Variants in CHODL observed in about 807,000 individuals in gnomAD.
CHODL encodes chondrolectin, also known as transmembrane protein MT75.
In CHODL, 29 loss-of-function variants were observed where a neutral mutation model predicts 34.5. That is an observed-to-expected ratio of 0.84 (90% CI 0.63 to 1.15). The LOEUF (loss-of-function observed/expected upper bound fraction) is 1.15, where lower values mean the gene tolerates loss of function less well. Among genes scored for constraint, CHODL ranks in the 50% most tolerant of loss-of-function variants. The probability of loss-of-function intolerance (pLI) is 0.00; values close to 1 mark genes in which losing one functional copy is unlikely to be tolerated. For synonymous variants in CHODL, 125 were observed against 116.1 expected (o/e 1.08, Z -0.49); for missense variants, 332 against 332.5 (o/e 1.00, Z 0.01).
chr21:18,164,775 T>G, intron 2 of CHODL, among the ~76,000 whole-genome samples: 1 of 152,126 alleles, frequency 6.6e-6, no homozygotes, highest in East Asian at 1.9e-4. Context: ...CAGACTTAAA[T>G]TAGCTAAAAC....
At chr21:18,164,127 C>T (rs1194377649) in intron 2 of CHODL, among the ~76,000 whole-genome samples, 1 of 152,178 alleles carries the variant, frequency 6.6e-6, no homozygotes, top group Non-Finnish European at 1.5e-5. Context: ...TGACTGCAGG[C>T]TGAAGGAAAG....
In CHODL at chr21:18,149,421, C is replaced by T. The variant is rs748155137; in HGVS notation, c.-44-107088C>T. Reference sequence around the variant, plus strand: ...ATGGATGTCATAGAGTCCTCATAACCGTATCTATCAAATATTTACAAGAAA... The same window carrying T: ...ATGGATGTCATAGAGTCCTCATAACTGTATCTATCAAATATTTACAAGAAA... On this transcript the variant is annotated intron_variant, in intron 2 of 6. Transcript: ENST00000400127. Among the ~76,000 whole-genome samples the T allele has an allele frequency of 5.9e-5, 9 of 152,096 alleles. 1 individual carries two copies. The highest frequency in any genetic ancestry group is 4.1e-4 in the South Asian group (2 of 4,832).
chr21:17,946,663 CT>C (rs1344131948), intron 1 of CHODL, among the ~76,000 whole-genome samples: 42 of 51,674 alleles, frequency 8.1e-4, no homozygotes, highest in African/African-American at 3.7e-3. Context: ...ATGTAATGAT[CT>C]TCTTTGTTTC....
At position 18,173,398 on chromosome 21, in the gene CHODL, A is replaced by T. The variant is rs541036308; in HGVS notation, c.-44-83111A>T. 9.8e-5 allele frequency among the ~76,000 whole-genome samples: 15 copies of T among 152,292 alleles called. No individual in the cohort carries two copies. The South Asian group carries it at 2.9e-3, about 29-fold the overall frequency. On this transcript the variant is annotated intron_variant, in intron 2 of 6. Coordinates refer to the CHODL transcript ENST00000400127. ...TCCTGTCTACCTCCTATAGTAAATT[A>T]TAAGAAGTTTTTATTTTGTTAATCG...
intron 1 of CHODL, among the ~76,000 whole-genome samples, chr21:18,005,682 A>G (rs1451403517): frequency 6.6e-6 from 1 of 152,242 alleles, no homozygotes. Context: ...AGGTTCCTCC[A>G]AGAGCTTGAC....
intron 2 of CHODL, among the ~76,000 whole-genome samples, chr21:18,182,533 A>C (rs1280720666): frequency 6.6e-6 from 1 of 152,190 alleles, no homozygotes; most frequent in African/African-American, 2.4e-5. Flanking sequence ...TATCTCAATA[A>C]AGCTGGAAAA....
At chr21:18,032,215 G>A (rs1390689483) in intron 2 of CHODL, among the ~76,000 whole-genome samples, 1 of 151,928 alleles carries the variant, frequency 6.6e-6, no homozygotes, top group African/African-American at 2.4e-5. Context: ...GTAGATCTTA[G>A]GTGTTCACAC....
chr21:17,941,286 CTTTTTTTTT>C (rs34255623), intron 1 of CHODL, among the ~76,000 whole-genome samples: 2 of 87,936 alleles, frequency 2.3e-5, no homozygotes, highest in African/African-American at 4.6e-5. Flanking sequence ...TAACTTGCCT[CTTTTTTTTT>C]TTTTTTTTTT....
At chr21:18,261,864 T>G (rs1275959729) in intron 4 of CHODL, among the ~76,000 whole-genome samples, 3 of 152,056 alleles carry the variant, frequency 2.0e-5, no homozygotes, top group Non-Finnish European at 2.9e-5. Context: ...TAAGATCAAG[T>G]CTTTGTGCCG....
chr21:18,182,081 C>T (rs2073388471), intron 2 of CHODL, among the ~76,000 whole-genome samples: 1 of 152,010 alleles, frequency 6.6e-6, no homozygotes, highest in African/African-American at 2.4e-5. Flanking sequence ...TGAGCCTATA[C>T]CCTAGGAACA....
At chr21:18,233,526 GTTA>G (rs771745544) in intron 2 of CHODL, among the ~76,000 whole-genome samples, 14 of 152,190 alleles carry the variant, frequency 9.2e-5, no homozygotes, top group Non-Finnish European at 1.8e-4. Context: ...ATTAATTGTT[GTTA>G]TTATTGTTAT....
intron 2 of CHODL, among the ~76,000 whole-genome samples, chr21:18,166,501 T>C (rs1243775683): frequency 6.6e-6 from 1 of 152,148 alleles, no homozygotes; most frequent in Non-Finnish European, 1.5e-5. Context: ...CATTAGGAAG[T>C]AGAAATCTTG....
intron 1 of CHODL, among the ~76,000 whole-genome samples, chr21:18,000,514 G>T (rs2063895135): frequency 6.6e-6 from 1 of 152,088 alleles, no homozygotes; most frequent in East Asian, 1.9e-4. Flanking sequence ...TATCTAATTA[G>T]CTATTAATTG....
At chr21:17,996,372 A>G (rs2063849413) in intron 1 of CHODL, among the ~76,000 whole-genome samples, 2 of 152,218 alleles carry the variant, frequency 1.3e-5, no homozygotes, top group African/African-American at 2.4e-5. Flanking sequence ...GTACTTGTGA[A>G]CATGCTGTAT....
Position 18,230,549 on chromosome 21 carries a change from G to A in CHODL, c.-44-25960G>A, listed in dbSNP as rs573191982. The stretch of plus-strand genomic sequence containing the variant: ...TTGGATTTTGTTATTTGAGATGCTT[G>A]TTGATACCATATAATATGGTTTCAT... On this transcript the variant is annotated intron_variant, in intron 2 of 6. Coordinates refer to the CHODL transcript ENST00000400127. Among the ~76,000 whole-genome samples the A allele has an allele frequency of 3.9e-5, 6 of 152,200 alleles. No homozygotes were observed. In the South Asian group the frequency reaches 1.2e-3, roughly 32 times the overall value.
At chr21:18,034,042 C>G (rs2064279680) in intron 2 of CHODL, among the ~76,000 whole-genome samples, 1 of 151,952 alleles carries the variant, frequency 6.6e-6, no homozygotes, top group Non-Finnish European at 1.5e-5. Context: ...ATTGAGAACC[C>G]TATGAGTGGC....
At chr21:18,231,603 A>G (rs749873846) in intron 2 of CHODL, among the ~76,000 whole-genome samples, 1 of 152,128 alleles carries the variant, frequency 6.6e-6, no homozygotes, top group Admixed American at 6.6e-5. Flanking sequence ...TATCTGATAC[A>G]TACCTTTTCA....
At chr21:17,968,218 C>G (rs528999250) in intron 1 of CHODL, among the ~76,000 whole-genome samples, 1 of 152,304 alleles carries the variant, frequency 6.6e-6, no homozygotes, top group East Asian at 1.9e-4. Flanking sequence ...CTATCAGGAA[C>G]CTCTCCATAG....
At chr21:18,159,236 A>G (rs2073068641) in intron 2 of CHODL, among the ~76,000 whole-genome samples, 2 of 152,230 alleles carry the variant, frequency 1.3e-5, no homozygotes, top group Admixed American at 1.3e-4. Context: ...AAATGTCAAT[A>G]TCATCAAGGT....
Sources: allele counts gnomAD v4.1 joint callset (sites outside exome capture counted in the v4.1 genomes callset), GRCh38; gene constraint gnomAD v4.1.1; transcripts MANE v1.5; gene names NCBI Gene and HGNC (gene_info 2026-07-23, HGNC 2026-07-21).